The following KLF11 variants were observed in gnomAD, a reference collection of about 807,000 sequenced individuals.
KLF11 encodes Krueppel-like factor 11.
In KLF11, 26 loss-of-function variants were observed where a neutral mutation model predicts 29.9. The ratio of observed to expected loss-of-function variants is 0.87; its 90% CI spans 0.64 to 1.21. KLF11 has a LOEUF of 1.21. KLF11 is among the 50% of genes most tolerant of loss of function. KLF11 has a pLI of 0.00. For synonymous variants in KLF11, 318 were observed against 257.4 expected (o/e 1.24, Z -2.25); for missense variants, 778 against 665.7 (o/e 1.17, Z -1.86).
intron 3 of KLF11, among the ~76,000 whole-genome samples, chr2:10,051,735 T>C (rs1046330311): frequency 1.3e-5 from 2 of 151,338 alleles, no homozygotes; most frequent in Non-Finnish European, 2.9e-5. Context: ...GCCAGGATGG[T>C]CTCGGTCTTC....
In KLF11 at chr2:10,054,084, A is replaced by G. The variant is rs1661486439; in HGVS notation, c.*1577A>G. 6.6e-6 allele frequency: 1 copy of G among 152,202 alleles called. No individual in the cohort carries two copies. Among genetic ancestry groups the G allele is most frequent in the Non-Finnish European group, 1.5e-5 (1 of 68,038 alleles). The allele number at this position is 152,202 out of a possible 1,614,324, so 9.4% of individuals were successfully genotyped here. A position where few individuals can be genotyped will look rare whatever the true frequency, so the allele number is the denominator to read the frequency against. On this transcript the variant is annotated 3_prime_UTR_variant, in exon 4 of 4. Coordinates refer to ENST00000305883, the MANE Select transcript of KLF11 (RefSeq NM_003597.5). The stretch of plus-strand genomic sequence containing the variant: ...GATACCTGTTAACTTGCCCCTTAGT[A>G]TCAGCTGTTACTTGACACAAATGTG...
At chr2:10,051,523 A>G (rs114716430) in intron 3 of KLF11, among the ~76,000 whole-genome samples, 3,837 of 150,010 alleles carry the variant, frequency 0.026, 64 homozygotes, top group Middle Eastern at 0.045. Context: ...TACATTTTTT[A>G]TTTTTAATTT....
chr2:10,048,157 C>G lies in KLF11; in HGVS notation c.820C>G (p.Pro274Ala). The stretch of plus-strand genomic sequence containing the variant: ...AAATGACCTGCCCAGGAAAACCACC[C>G]CTCTGATTTCTGTCTCTGTCCCTGC... ...YENDLPRKTT[P>A]LISVSVPAPP... Residue 274 changes from proline (P) to alanine (A), a missense_variant, in exon 3 of 4, where the codon CCT becomes GCT. Physicochemically the swap from Pro to Ala is conservative, Grantham distance 27 (BLOSUM62 -1). Coordinates refer to ENST00000305883, the MANE Select transcript of KLF11 (RefSeq NM_003597.5). 4.3e-6 allele frequency: 7 copies of G among 1,614,180 alleles called. No homozygotes were observed. Among genetic ancestry groups the G allele is most frequent in the Non-Finnish European group, 5.9e-6 (7 of 1,180,028 alleles).
intron 1 of KLF11, chr2:10,044,400 C>G: frequency 1.0e-6 from 1 of 985,582 alleles, no homozygotes; most frequent in Non-Finnish European, 1.2e-6. Flanking sequence ...AGAGCGCGGG[C>G]CTCGTGGTGT....
rs1661478358 is a variant in KLF11 at position 10,053,718 on chromosome 2, CTAGAAAA to C, written c.*1216_*1222del. ...TGGAATGGTGTGTTTTACAGTCTAC[CTAGAAAA>C]TAGATGGACAATATTTTTCAACTGT... On this transcript the variant is annotated 3_prime_UTR_variant, in exon 4 of 4. Coordinates refer to ENST00000305883, the MANE Select transcript of KLF11 (RefSeq NM_003597.5). 1 of 281,552 alleles carries C rather than the reference CTAGAAAA, an allele frequency of 3.6e-6. No homozygotes were observed. Among genetic ancestry groups the C allele is most frequent in the Non-Finnish European group, 6.6e-6 (1 of 151,896 alleles). 17.4% of individuals were successfully genotyped at this position (281,552 alleles called of 1,614,324 possible).
Position 10,054,389 on chromosome 2 carries a change from C to T in KLF11, c.*1882C>T, listed in dbSNP as rs956551400. Reference sequence around the variant, plus strand: ...GTATTTGGTTGCTTGTCACAACATTCTCCAAGCAGTGATATTTCTAAAGAG... The same window carrying T: ...GTATTTGGTTGCTTGTCACAACATTTTCCAAGCAGTGATATTTCTAAAGAG... On this transcript the variant is annotated 3_prime_UTR_variant, in exon 4 of 4. Coordinates refer to ENST00000305883, the MANE Select transcript of KLF11 (RefSeq NM_003597.5). 5.3e-5 allele frequency: 8 copies of T among 152,350 alleles called. No homozygotes were observed. Among genetic ancestry groups the T allele is most frequent in the African/African-American group, 1.9e-4 (8 of 41,462 alleles). 9.4% of individuals were successfully genotyped at this position (152,350 alleles called of 1,614,324 possible).
Position 10,048,363 on chromosome 2 carries a change from C to A in KLF11, c.1026C>A (p.Val342=), listed in dbSNP as rs1290379214. ...PAVPQGAVML[V]LPQGALPPPA... ...TGCCTCAGGGAGCTGTGATGTTGGTCCTGCCCCAGGGAGCCCTCCCTCCGC... is the reference window on the plus strand; with the variant it reads ...TGCCTCAGGGAGCTGTGATGTTGGTACTGCCCCAGGGAGCCCTCCCTCCGC... Residue 342 remains valine (V), a synonymous_variant, in exon 3 of 4, where the codon GTC becomes GTA. Transcript: ENST00000305883. 2 of 1,610,726 alleles carry A rather than the reference C, an allele frequency of 1.2e-6. No individual in the cohort carries two copies. The highest frequency in any genetic ancestry group is 1.7e-6 in the Non-Finnish European group (2 of 1,177,702).
chr2:10,053,659 G>A lies in KLF11; in HGVS notation c.*1152G>A. ...AACTGCCTTTCTGTTCATTTTGTTT[G>A]AAGGAAATTGTTTTGACCAAACAGA... On this transcript the variant is annotated 3_prime_UTR_variant, in exon 4 of 4. Coordinates refer to ENST00000305883, the MANE Select transcript of KLF11 (RefSeq NM_003597.5). 2.7e-6 allele frequency: 1 copy of A among 371,116 alleles called. No homozygotes were observed. The highest frequency in any genetic ancestry group is 4.8e-6 in the Non-Finnish European group (1 of 208,904). The allele number at this position is 371,116 out of a possible 1,614,324, so 23.0% of individuals were successfully genotyped here.
chr2:10,044,516 CAG>C, intron 1 of KLF11: 3 of 885,028 alleles, frequency 3.4e-6, no homozygotes, highest in Non-Finnish European at 4.1e-6. Context: ...GCCTGCGGGA[CAG>C]AGGCCGGGGA....
At position 10,048,184 on chromosome 2, in the gene KLF11, C is replaced by G; in HGVS notation, c.847C>G (p.Pro283Ala). 2 of 1,614,184 alleles carry G rather than the reference C, an allele frequency of 1.2e-6. No homozygotes were observed. The highest frequency in any genetic ancestry group is 2.2e-5 in the South Asian group (2 of 91,082). ...TPLISVSVPA[P>A]PVLCQMIPVT... ...TCTGATTTCTGTCTCTGTCCCTGCT[C>G]CCCCTGTCCTTTGCCAGATGATCCC... Residue 283 changes from proline (P) to alanine (A), a missense_variant, in exon 3 of 4, where the codon CCC (proline) becomes GCC (alanine). Coordinates refer to ENST00000305883, the MANE Select transcript of KLF11 (RefSeq NM_003597.5).
Position 10,046,334 on chromosome 2 carries a change from C to T in KLF11, c.227C>T (p.Ser76Phe), listed in dbSNP as rs1468308669. The T allele has an allele frequency of 6.2e-7, 1 of 1,614,214 alleles. No homozygotes were observed. ...CGGATAAGACCCCTCACGCCTGTCT[C>T]TGACTCTGGGGATGTCACCACCACT... ...LLRIRPLTPV[S>F]DSGDVTTTVH... is the part of the protein sequence containing the mutation. Residue 76 changes from serine (S) to phenylalanine (F), a missense_variant, in exon 2 of 4, where the codon TCT (serine) becomes TTT (phenylalanine). Transcript: ENST00000305883.
chr2:10,047,686 C>T lies in KLF11; in HGVS notation c.349C>T (p.Pro117Ser), dbSNP rs1483634401. ...TPPQSPDLVEPSTRTPVSPQV... is the reference protein window; with the variant it reads ...TPPQSPDLVESSTRTPVSPQV... ...TCCTCAGAGCCCTGATCTCGTGGAG[C>T]CATCGACAAGGACACCTGTTTCTCC... Residue 117 changes from proline (P) to serine (S), a missense_variant, in exon 3 of 4, where the codon CCA becomes TCA. Coordinates refer to ENST00000305883, the MANE Select transcript of KLF11 (RefSeq NM_003597.5). 1.2e-6 allele frequency: 2 copies of T among 1,613,226 alleles called. No individual in the cohort carries two copies. Among genetic ancestry groups the T allele is most frequent in the East Asian group, 2.2e-5 (1 of 44,890 alleles).
rs200061013 is a variant in KLF11 at position 10,048,010 on chromosome 2, A to G, written c.673A>G (p.Ser225Gly). 2 of 1,614,186 alleles carry G rather than the reference A, an allele frequency of 1.2e-6. No individual in the cohort carries two copies. Among genetic ancestry groups the G allele is most frequent in the East Asian group, 2.2e-5 (1 of 44,890 alleles). The change falls in exon 3 of 4, where the codon AGC (serine) becomes GGC (glycine). Residue 225 changes from serine to glycine, a missense_variant. Physicochemically the swap from Ser to Gly is moderately conservative, Grantham distance 56 (BLOSUM62 0). Coordinates refer to ENST00000305883, the MANE Select transcript of KLF11 (RefSeq NM_003597.5). The stretch of plus-strand genomic sequence containing the variant: ...CACACACCTCACGGACAGTTTACTC[A>G]GCACTAACTTGGTGTCCTGTCAGCC... ...QDTHLTDSLL[S>G]TNLVSCQPCL... is the part of the protein sequence containing the mutation.
chr2:10,046,221 C>G lies in KLF11; in HGVS notation c.114C>G (p.Ser38Arg), dbSNP rs1236628929. 6.2e-7 allele frequency: 1 copy of G among 1,614,048 alleles called. No individual in the cohort carries two copies. Among genetic ancestry groups the G allele is most frequent in the East Asian group, 2.2e-5 (1 of 44,896 alleles). The stretch of plus-strand genomic sequence containing the variant: ...ATGACAGCGAAAGGTCTACTTGCAG[C>G]ATCTTGGAGCAGACAGACATGGAAG... The part of the protein sequence containing the change: ...KRHDSERSTC[S>R]ILEQTDMEAV... The change falls in exon 2 of 4, where the codon AGC becomes AGG. Residue 38 changes from serine (S) to arginine (R), a missense_variant. By Grantham distance (110) the Ser-to-Arg change is moderately radical. Transcript: ENST00000305883.
chr2:10,049,426 G>A (rs1451071432), intron 3 of KLF11, among the ~76,000 whole-genome samples: 1 of 152,212 alleles, frequency 6.6e-6, no homozygotes, highest in African/African-American at 2.4e-5. Context: ...GATCGTGGTA[G>A]CCTCCACGTG....
At position 10,052,554 on chromosome 2, in the gene KLF11, C is replaced by G. The variant is rs370864119; in HGVS notation, c.*47C>G. The G allele has an allele frequency of 2.5e-5, 40 of 1,593,930 alleles. No individual in the cohort carries two copies. The African/African-American group carries it at 5.0e-4, about 20-fold the overall frequency. On this transcript the variant is annotated 3_prime_UTR_variant, in exon 4 of 4. Coordinates refer to ENST00000305883, the MANE Select transcript of KLF11 (RefSeq NM_003597.5). ...CATGGGATTTTTAAAAAGCCTCTTTCCAGGAATGGAACTGATGGATTCCTC... is the reference window on the plus strand; with the variant it reads ...CATGGGATTTTTAAAAAGCCTCTTTGCAGGAATGGAACTGATGGATTCCTC...
At chr2:10,046,013 G>A in intron 1 of KLF11, 137 bp from the exon 2 acceptor site, 1 of 973,596 alleles carries the variant, frequency 1.0e-6, no homozygotes, top group Non-Finnish European at 1.6e-6. Flanking sequence ...ACTACACCTC[G>A]GTGTTTGTTG....
At position 10,046,368 on chromosome 2, in the gene KLF11, G is replaced by A. The variant is rs1661203728; in HGVS notation, c.261G>A (p.Met87Ile). 6.2e-7 allele frequency: 1 copy of A among 1,614,156 alleles called. No individual in the cohort carries two copies. The highest frequency in any genetic ancestry group is 8.5e-7 in the Non-Finnish European group (1 of 1,180,026). ...GGGATGTCACCACCACTGTGCATAT[G>A]GATGCAGCCACACCTGAACTACCAA... ...DSGDVTTTVHMDAATPELPKD... is the reference protein window; with the variant it reads ...DSGDVTTTVHIDAATPELPKD... Residue 87 changes from methionine to isoleucine, a missense_variant, in exon 2 of 4, where the codon ATG (methionine) becomes ATA (isoleucine). Coordinates refer to ENST00000305883, the MANE Select transcript of KLF11 (RefSeq NM_003597.5).
intron 3 of KLF11, 24 bp from the exon 4 acceptor site, chr2:10,052,203 A>G: frequency 1.2e-6 from 2 of 1,612,050 alleles, no homozygotes; most frequent in East Asian, 2.2e-5. Context: ...CTTTCTCTTT[A>G]ATATGTATTT....
Sources: gnomAD v4.1 joint callset for allele counts (sites outside exome capture counted in the v4.1 genomes callset) on GRCh38, gnomAD v4.1.1 for gene constraint, MANE v1.5 for transcripts, NCBI Gene and HGNC (gene_info 2026-07-23, HGNC 2026-07-21) for gene names.